Variants in SPOCK3 observed in about 807,000 individuals in gnomAD.
SPOCK3 encodes the protein SPARC (osteonectin), cwcv and kazal like domains proteoglycan 3, also known as testican-3.
SPOCK3 carries 30 observed loss-of-function variants against 56.6 expected under a neutral mutation model. The observed-to-expected ratio is 0.53, with a 90% confidence interval of 0.40 to 0.72. The LOEUF (loss-of-function observed/expected upper bound fraction) is 0.72, where lower values mean the gene tolerates loss of function less well. SPOCK3 is among the 30% of genes least tolerant of loss of function. The probability of loss-of-function intolerance (pLI) is 0.00; values close to 1 mark genes in which losing one functional copy is unlikely to be tolerated. For missense variants in SPOCK3, 527 were observed against 530.0 expected (o/e 0.99, Z 0.06); for synonymous variants, 196 against 183.3 (o/e 1.07, Z -0.56).
chr4:167,054,687 A>G (rs1384537414), intron 3 of SPOCK3, among the ~76,000 whole-genome samples: 1 of 152,238 alleles, frequency 6.6e-6, no homozygotes, highest in African/African-American at 2.4e-5. Context: ...TTATTTCCCC[A>G]AAACTCTTAC....
At chr4:166,951,833 A>T (rs1742662858) in intron 4 of SPOCK3, among the ~76,000 whole-genome samples, 1 of 152,032 alleles carries the variant, frequency 6.6e-6, no homozygotes, top group Non-Finnish European at 1.5e-5. Flanking sequence ...GACAAAAACC[A>T]CATGATTATC....
At chr4:166,763,153 G>T (rs986184492) in intron 7 of SPOCK3, among the ~76,000 whole-genome samples, 1 of 151,374 alleles carries the variant, frequency 6.6e-6, no homozygotes, top group Admixed American at 6.6e-5. Flanking sequence ...AACTTTAAAA[G>T]TAGCCAGACA....
At chr4:167,145,187 AT>A (rs763013962) in intron 2 of SPOCK3, among the ~76,000 whole-genome samples, 10 of 152,046 alleles carry the variant, frequency 6.6e-5, no homozygotes, top group Non-Finnish European at 1.5e-4. Context: ...GTCAAGGATT[AT>A]TTTGTTTGTT....
At chr4:167,214,792 T>C (rs1321005765) in intron 2 of SPOCK3, among the ~76,000 whole-genome samples, 1 of 152,034 alleles carries the variant, frequency 6.6e-6, no homozygotes, top group Non-Finnish European at 1.5e-5. Context: ...TCAGACAAGA[T>C]GCAGTGAGAA....
intron 7 of SPOCK3, among the ~76,000 whole-genome samples, chr4:166,787,625 C>T (rs1043047981): frequency 6.6e-6 from 1 of 152,046 alleles, no homozygotes; most frequent in African/African-American, 2.4e-5. Context: ...GTGACGTTTT[C>T]TATATGAAAA....
intron 3 of SPOCK3, among the ~76,000 whole-genome samples, chr4:167,026,786 C>G (rs955334507): frequency 1.3e-5 from 2 of 149,388 alleles, no homozygotes; most frequent in Admixed American, 1.3e-4. Context: ...GAAAATATAT[C>G]GCATTGGTTG....
intron 3 of SPOCK3, among the ~76,000 whole-genome samples, chr4:167,031,614 T>G (rs1432146752): frequency 6.6e-6 from 1 of 151,984 alleles, no homozygotes. Flanking sequence ...TACAGTGGAT[T>G]AAAACATTGA....
chr4:167,047,956 G>T (rs1305819868), intron 3 of SPOCK3, among the ~76,000 whole-genome samples: 1 of 152,130 alleles, frequency 6.6e-6, no homozygotes, highest in Non-Finnish European at 1.5e-5. Flanking sequence ...TGAGCCAGGA[G>T]AATTAATTGC....
At chr4:166,741,493 G>T (rs1326225951) in intron 9 of SPOCK3, among the ~76,000 whole-genome samples, 1 of 151,968 alleles carries the variant, frequency 6.6e-6, no homozygotes, top group African/African-American at 2.4e-5. Flanking sequence ...ATATTTCAAG[G>T]CTTTGAATAA....
intron 2 of SPOCK3, among the ~76,000 whole-genome samples, chr4:167,151,536 G>T (rs1019129529): frequency 1.3e-5 from 2 of 150,090 alleles, no homozygotes; most frequent in Non-Finnish European, 2.9e-5. Context: ...CCAGGTTCAC[G>T]CCATTCTCCT....
At chr4:167,025,526 C>T (rs138070992) in intron 3 of SPOCK3, among the ~76,000 whole-genome samples, 2 of 151,988 alleles carry the variant, frequency 1.3e-5, no homozygotes, top group East Asian at 1.9e-4. Context: ...CAATTAGAGA[C>T]CTGTTTGATC....
chr4:166,735,298 G>A (rs1037866859), intron 10 of SPOCK3, among the ~76,000 whole-genome samples: 1 of 151,978 alleles, frequency 6.6e-6, no homozygotes, highest in South Asian at 2.1e-4. Context: ...GCTAAAAGCA[G>A]AATCATTATT....
chr4:166,790,901 CCTT>C (rs1741272645), intron 7 of SPOCK3, among the ~76,000 whole-genome samples: 1 of 152,114 alleles, frequency 6.6e-6, no homozygotes. Flanking sequence ...ATGGAAGAAA[CCTT>C]CTCCCCACTC....
At chr4:167,119,405 G>GAA (rs923919738) in intron 2 of SPOCK3, among the ~76,000 whole-genome samples, 9 of 152,050 alleles carry the variant, frequency 5.9e-5, no homozygotes, top group Admixed American at 5.9e-4. Flanking sequence ...TTTAGGATTT[G>GAA]ACATCCCCAA....
chr4:167,052,561 T>C (rs889778734), intron 3 of SPOCK3, among the ~76,000 whole-genome samples: 1 of 152,142 alleles, frequency 6.6e-6, no homozygotes, highest in African/African-American at 2.4e-5. Flanking sequence ...TTTCAGAAAA[T>C]ACTGTAATCA....
intron 2 of SPOCK3, among the ~76,000 whole-genome samples, chr4:167,233,730 G>A (rs181924917): frequency 6.6e-6 from 1 of 152,254 alleles, no homozygotes; most frequent in East Asian, 1.9e-4. Context: ...GGGGCACAGG[G>A]GAGAGCAGGG....
chr4:166,814,654 C>A (rs773167464), intron 6 of SPOCK3, among the ~76,000 whole-genome samples: 5 of 152,058 alleles, frequency 3.3e-5, no homozygotes, highest in Admixed American at 2.6e-4. Flanking sequence ...GGCTCTCAGG[C>A]CTTTGGCCAC....
At chr4:167,224,607 A>G (rs2111133257) in intron 2 of SPOCK3, among the ~76,000 whole-genome samples, 1 of 152,298 alleles carries the variant, frequency 6.6e-6, no homozygotes, top group Non-Finnish European at 1.5e-5. Context: ...CCAAATGTTC[A>G]AACTTAACAA....
chr4:166,973,942 A>G (rs1414128357), intron 4 of SPOCK3, among the ~76,000 whole-genome samples: 2 of 152,200 alleles, frequency 1.3e-5, no homozygotes, highest in Non-Finnish European at 2.9e-5. Flanking sequence ...TCAGTTGGCT[A>G]TGGCTAAGAT....
Sources: gnomAD v4.1 joint callset for allele counts (sites outside exome capture counted in the v4.1 genomes callset) on GRCh38, gnomAD v4.1.1 for gene constraint, MANE v1.5 for transcripts, NCBI Gene and HGNC (gene_info 2026-07-23, HGNC 2026-07-21) for gene names.